Variants in NOC2L observed in about 807,000 individuals in gnomAD.
NOC2L encodes the protein NOC2 like nucleolar associated transcriptional repressor, also known as nucleolar complex protein 2 homolog.
A neutral mutation model predicts 94.2 loss-of-function variants in NOC2L; 101 were observed. The observed-to-expected ratio is 1.07, with a 90% confidence interval of 0.91 to 1.26. NOC2L has a LOEUF of 1.26. Ranked by LOEUF, NOC2L falls within the 50% of genes most tolerant of loss-of-function variation. The pLI is 0.00. For missense variants in NOC2L, 1,076 were observed against 980.1 expected, an observed-to-expected ratio of 1.10 and a Z score of -1.31; for synonymous variants, 531 against 413.4, an observed-to-expected ratio of 1.28 and a Z score of -3.45.
chr1:953,793 T>C lies in NOC2L; in HGVS notation c.877A>G (p.Met293Val). Residue 293 changes from methionine (M) to valine (V), a missense_variant, in exon 8 of 19, where the codon ATG (methionine) becomes GTG (valine). By Grantham distance (21) the Met-to-Val change is conservative. Around this residue, in one of 3 missense-constraint regions of NOC2L, gnomAD observed 457 missense variants for 386.0 expected, o/e 1.18. Coordinates refer to ENST00000327044, the MANE Select transcript of NOC2L (RefSeq NM_015658.4). ...CFLTFPKQCR[M>V]LLKRMVIVWS... Reference sequence around the variant, plus strand: ...ACTGGGCCACGAACCTTGAGCAGCATGCGGCACTGCTTGGGGAAGGTCAGG... The same window carrying C: ...ACTGGGCCACGAACCTTGAGCAGCACGCGGCACTGCTTGGGGAAGGTCAGG... 5 of 1,611,904 alleles carry C rather than the reference T, an allele frequency of 3.1e-6. No homozygotes were observed. The highest frequency in any genetic ancestry group is 4.2e-6 in the Non-Finnish European group (5 of 1,179,424).
intron 14 of NOC2L, chr1:947,138 T>C (rs1198888849): frequency 6.6e-6 from 1 of 152,432 alleles, no homozygotes; most frequent in East Asian, 1.9e-4. Flanking sequence ...TGCAGTTGCC[T>C]GTGCAGCTGA....
chr1:955,581 G>A (rs966893638), intron 6 of NOC2L, among the ~76,000 whole-genome samples: 4 of 152,244 alleles, frequency 2.6e-5, no homozygotes, highest in Admixed American at 1.3e-4. Context: ...CAGAGATCAA[G>A]GAGTATGGAC....
intron 8 of NOC2L, 131 bp downstream of exon 8, chr1:953,651 C>T (rs1267271511): frequency 8.6e-6 from 6 of 701,738 alleles, no homozygotes; most frequent in Non-Finnish European, 1.4e-5. Flanking sequence ...GCTTCTGTGG[C>T]CTCTCTAGCC....
intron 12 of NOC2L, 106 bp from the exon 13 acceptor site, chr1:948,709 T>TTCACCCTGGTCCCCCTGGTCCCTTTG: frequency 1.1e-6 from 1 of 879,900 alleles, no homozygotes. Flanking sequence ...TGCACCTGGC[T>TTCACCCTGGTCCCCCTGGTCCCTTTG]GCACCCTGGT....
Position 953,157 on chromosome 1 carries a change from C to CGCAG in NOC2L, c.1002+14_1002+17dup, listed in dbSNP as rs749969264. The CGCAG allele has an allele frequency of 9.6e-6, 15 of 1,562,832 alleles. No individual in the cohort carries two copies. The South Asian group carries it at 1.7e-4, about 17-fold the overall frequency. ...CAATGCAGATGCTGAGGGACACAGACGCAGGGCCCACCACTACCTTGAGGA... is the reference window on the plus strand; with the variant it reads ...CAATGCAGATGCTGAGGGACACAGACGCAGGCAGGGCCCACCACTACCTTGAGGA... On this transcript the variant is annotated intron_variant, in intron 9 of 18. Coordinates refer to ENST00000327044, the MANE Select transcript of NOC2L (RefSeq NM_015658.4).
At position 948,513 on chromosome 1, in the gene NOC2L, T is replaced by C; in HGVS notation, c.1534A>G (p.Asn512Asp). The change falls in exon 13 of 19, where the codon AAC becomes GAC. Residue 512 changes from asparagine to aspartate, a missense_variant. By Grantham distance (23) the Asn-to-Asp change is conservative (BLOSUM62 1). Transcript: ENST00000327044. Reference sequence around the variant, plus strand: ...ACCCGGTACGCCTTCTCCTGCAGGTTGACATTGGACAGCTTCAGGATCACG... The same window carrying C: ...ACCCGGTACGCCTTCTCCTGCAGGTCGACATTGGACAGCTTCAGGATCACG... ...FSVILKLSNV[N>D]LQEKAYRDGL... 1 of 1,612,984 alleles carries C rather than the reference T, an allele frequency of 6.2e-7. No homozygotes were observed. Among genetic ancestry groups the C allele is most frequent in the East Asian group, 2.2e-5 (1 of 44,876 alleles).
chr1:956,224 G>C lies in NOC2L; in HGVS notation c.487-9C>G, dbSNP rs1367732774. On this transcript the variant is annotated splice_polypyrimidine_tract_variant and intron_variant, in intron 4 of 18. Coordinates refer to ENST00000327044, the MANE Select transcript of NOC2L (RefSeq NM_015658.4). ...TTTGGAGTGAGGCGTTGCTGAAGGA[G>C]CAAGAGTACCAGGGGCGTCAGGGGA... The C allele has an allele frequency of 3.7e-6, 6 of 1,612,792 alleles. No homozygotes were observed. The highest frequency in any genetic ancestry group is 3.3e-5 in the Admixed American group (2 of 59,998).
At chr1:949,628 C>G (rs899873193) in intron 12 of NOC2L, among the ~76,000 whole-genome samples, 1 of 152,222 alleles carries the variant, frequency 6.6e-6, no homozygotes, top group Non-Finnish European at 1.5e-5. Flanking sequence ...GAAACAGACA[C>G]TGCAAGAGAG....
chr1:952,604 C>T lies in NOC2L; in HGVS notation c.1003-4G>A, dbSNP rs768088509. The T allele has an allele frequency of 3.3e-5, 53 of 1,613,296 alleles. No individual in the cohort carries two copies. Among genetic ancestry groups the T allele is most frequent in the African/African-American group, 9.3e-5 (7 of 74,896 alleles). ...TCACATACGTGATGTACATTTGCTG[C>T]GGAGAGACCCGGGTCAGAGCCACCT... On this transcript the variant is annotated splice_region_variant and splice_polypyrimidine_tract_variant and intron_variant, in intron 9 of 18. Coordinates refer to ENST00000327044, the MANE Select transcript of NOC2L (RefSeq NM_015658.4).
intron 6 of NOC2L, among the ~76,000 whole-genome samples, chr1:954,826 G>A (rs965054190): frequency 2.0e-5 from 3 of 150,896 alleles, no homozygotes; most frequent in Non-Finnish European, 3.0e-5. Context: ...TATCTCGTAA[G>A]GAAAAAAAAA....
rs377340835 is a variant in NOC2L at position 957,175 on chromosome 1, C to T, written c.278G>A (p.Ser93Asn). 3.1e-6 allele frequency: 5 copies of T among 1,613,972 alleles called. No homozygotes were observed. The African/African-American group carries it at 6.7e-5, about 22-fold the overall frequency. Residue 93 changes from serine to asparagine, a missense_variant, in exon 3 of 19, where the codon AGC (serine) becomes AAC (asparagine). By Grantham distance (46) the Ser-to-Asn change is conservative. Around this residue, in one of 3 missense-constraint regions of NOC2L, gnomAD observed 457 missense variants for 386.0 expected, o/e 1.18. Transcript: ENST00000327044. ...GTCCGAGTCGCTGAAGTTTAGCAGG[C>T]TCTGGTCATTCTCCTGCAGGAACTT... is the stretch of plus-strand genomic sequence containing the variant. The part of the protein sequence containing the change: ...FYKFLQENDQ[S>N]LLNFSDSDSS...
At position 955,912 on chromosome 1, in the gene NOC2L, T is replaced by G; in HGVS notation, c.698+11A>C. The G allele has an allele frequency of 1.3e-5, 11 of 877,836 alleles. No individual in the cohort carries two copies. The highest frequency in any genetic ancestry group is 1.4e-5 in the Non-Finnish European group (8 of 567,358). 54.4% of individuals were successfully genotyped at this position (877,836 alleles called of 1,614,324 possible). On this transcript the variant is annotated intron_variant, in intron 6 of 18. Coordinates refer to ENST00000327044, the MANE Select transcript of NOC2L (RefSeq NM_015658.4). ...TTCCACCCTACCCCCCTTCACCCCCTCCCCTCTTACCTGCTGCTATCCTTT... is the reference window on the plus strand; with the variant it reads ...TTCCACCCTACCCCCCTTCACCCCCGCCCCTCTTACCTGCTGCTATCCTTT...
In NOC2L at chr1:951,213, G is replaced by C. The variant is rs1338679294; in HGVS notation, c.1357C>G (p.Pro453Ala). Residue 453 changes from proline to alanine, a missense_variant, in exon 12 of 19, where the codon CCG (proline) becomes GCG (alanine). Pro to Ala is a conservative substitution (Grantham distance 27). Coordinates refer to ENST00000327044, the MANE Select transcript of NOC2L (RefSeq NM_015658.4). ...IKLIPTARFY[P>A]LRMHCIRALT... Reference sequence around the variant, plus strand: ...GCACGGATGCAGTGCATTCGCAGCGGGTAGAAGCGGGCAGTGGGGATGAGC... The same window carrying C: ...GCACGGATGCAGTGCATTCGCAGCGCGTAGAAGCGGGCAGTGGGGATGAGC... 1 of 1,590,792 alleles carries C rather than the reference G, an allele frequency of 6.3e-7. No individual in the cohort carries two copies. The highest frequency in any genetic ancestry group is 1.8e-5 in the Admixed American group (1 of 56,534).
chr1:954,005 T>C lies in NOC2L; in HGVS notation c.776A>G (p.Gln259Arg), dbSNP rs960193855. Residue 259 changes from glutamine to arginine, a missense_variant and splice_region_variant, in exon 7 of 19, where the codon CAG becomes CGG. By Grantham distance (43) the Gln-to-Arg change is conservative. Transcript: ENST00000327044. Reference sequence around the variant, plus strand: ...GTGCCCTCCCCACCAGAATAGCACCTGTATGGCCGAGCCCAGGTAAGCCTT... The same window carrying C: ...GTGCCCTCCCCACCAGAATAGCACCCGTATGGCCGAGCCCAGGTAAGCCTT... ...DIKAYLGSAI[Q>R]LVSCLSETTV... 1.2e-6 allele frequency: 2 copies of C among 1,605,296 alleles called. No individual in the cohort carries two copies. Among genetic ancestry groups the C allele is most frequent in the Non-Finnish European group, 1.7e-6 (2 of 1,174,670 alleles).
chr1:953,314 G>A (rs1281804633), intron 8 of NOC2L, 26 bp from the exon 9 acceptor site: 1 of 1,399,042 alleles, frequency 7.1e-7, no homozygotes, highest in Non-Finnish European at 1.0e-6. Context: ...CGTCACTGGT[G>A]GCCCCCCAGC....
At position 947,357 on chromosome 1, in the gene NOC2L, G is replaced by GAC. The variant is rs545700557; in HGVS notation, c.1659+772_1659+773dup. Among the ~76,000 whole-genome samples the GAC allele has an allele frequency of 1.0e-3, 157 of 152,328 alleles. 1 individual carries two copies. Among genetic ancestry groups the GAC allele is most frequent in the African/African-American group, 3.7e-3 (154 of 41,554 alleles). On this transcript the variant is annotated intron_variant, in intron 14 of 18. Coordinates refer to ENST00000327044, the MANE Select transcript of NOC2L (RefSeq NM_015658.4). The stretch of plus-strand genomic sequence containing the variant: ...AAGGGGGTCCCGGCTCTGTGCATGT[G>GAC]ACATGTGTGGCCGTGTGTGAGTACA...
Position 946,403 on chromosome 1 carries a change from A to C in NOC2L, c.1802T>G (p.Val601Gly). ...VSFGVSEQQA[V>G]EAWEKLTREE... is the part of the protein sequence containing the mutation. The stretch of plus-strand genomic sequence containing the variant: ...GCACTACCCCCAGGGCCCACTAACC[A>C]CTGCCTGCTGCTCAGAGACGCCGAA... The change falls in exon 15 of 19, where the codon GTG becomes GGG. Residue 601 changes from valine (V) to glycine (G), a missense_variant and splice_region_variant. Coordinates refer to ENST00000327044, the MANE Select transcript of NOC2L (RefSeq NM_015658.4). 6.2e-7 allele frequency: 1 copy of C among 1,613,530 alleles called. No homozygotes were observed. The highest frequency in any genetic ancestry group is 8.5e-7 in the Non-Finnish European group (1 of 1,179,998).
chr1:957,397 G>C (rs1642440921), intron 2 of NOC2L, 124 bp from the exon 3 acceptor site: 1 of 962,668 alleles, frequency 1.0e-6, no homozygotes, highest in Non-Finnish European at 1.5e-6. Context: ...TTGCCAGGAG[G>C]TACGTTTTTG....
intron 7 of NOC2L, 53 bp from the exon 8 acceptor site, chr1:953,945 A>G (rs1348403992): frequency 1.9e-6 from 3 of 1,607,360 alleles, no homozygotes; most frequent in Admixed American, 1.7e-5. Flanking sequence ...CTGGGATACA[A>G]AAAAGGACCG....
Sources: gnomAD v4.1 joint callset for allele counts (sites outside exome capture counted in the v4.1 genomes callset) on GRCh38, gnomAD v4.1.1 for gene constraint, gnomAD v4.1.1 regional missense constraint, MANE v1.5 for transcripts, NCBI Gene and HGNC (gene_info 2026-07-23, HGNC 2026-07-21) for gene names.